Variants in SNX5 observed in about 807,000 individuals in gnomAD.
SNX5 encodes the protein sorting nexin-5.
A neutral mutation model predicts 53.9 loss-of-function variants in SNX5; 31 were observed. The observed-to-expected ratio is 0.58, with a 90% CI of 0.43 to 0.78. The LOEUF is 0.78. SNX5 is among the 30% of genes least tolerant of loss of function. SNX5 has a pLI of 0.00. For synonymous variants in SNX5, 168 were observed against 171.1 expected (o/e 0.98, Z 0.14); for missense variants, 471 against 478.8 (o/e 0.98, Z 0.15).
intron 10 of SNX5, among the ~76,000 whole-genome samples, chr20:17,948,649 C>T (rs1375235653): frequency 3.3e-5 from 5 of 152,180 alleles, no homozygotes; most frequent in East Asian, 3.8e-4. Flanking sequence ...AGAAACAGCC[C>T]TTTCTGCATG....
chr20:17,968,665 C>G lies in SNX5; in HGVS notation c.-240G>C. ...CCTCCCAGTCCCCGCTGCCGTCCATCTTGGAGCCGGGCAAAGACGCCACGT... is the reference window on the plus strand; with the variant it reads ...CCTCCCAGTCCCCGCTGCCGTCCATGTTGGAGCCGGGCAAAGACGCCACGT... On this transcript the variant is annotated 5_prime_UTR_variant, in exon 1 of 13. Coordinates refer to ENST00000377759, the MANE Select transcript of SNX5 (RefSeq NM_014426.4). 1.7e-6 allele frequency: 1 copy of G among 596,142 alleles called. No homozygotes were observed. Among genetic ancestry groups the G allele is most frequent in the South Asian group, 1.7e-5 (1 of 60,208 alleles). 36.9% of individuals were successfully genotyped at this position (596,142 alleles called of 1,614,324 possible).
chr20:17,957,182 T>C, intron 1 of SNX5, 145 bp from the exon 2 acceptor site: 1 of 634,392 alleles, frequency 1.6e-6, no homozygotes, highest in Non-Finnish European at 2.9e-6. Context: ...ACCCCTGTAA[T>C]CCCAGCACTT....
chr20:17,945,927 T>C (rs2039482597), intron 11 of SNX5, among the ~76,000 whole-genome samples: 1 of 152,158 alleles, frequency 6.6e-6, no homozygotes, highest in Non-Finnish European at 1.5e-5. Flanking sequence ...GATATGAATT[T>C]TTCATGGAAA....
intron 12 of SNX5, 191 bp downstream of exon 12, chr20:17,942,917 CTA>C: frequency 2.1e-6 from 1 of 471,334 alleles, no homozygotes; most frequent in South Asian, 3.3e-5. Context: ...AAAAAAGTTG[CTA>C]AAAATTAGTC....
intron 5 of SNX5, 36 bp downstream of exon 5, chr20:17,952,551 G>T (rs1325596091): frequency 1.3e-6 from 2 of 1,595,178 alleles, no homozygotes; most frequent in African/African-American, 1.4e-5. Context: ...ATAAACATTT[G>T]AAGTGGATTA....
rs111250034 is a variant in SNX5 at position 17,942,487 on chromosome 20, C to A, written c.1165-80G>T. On this transcript the variant is annotated intron_variant, in intron 12 of 12. Transcript: ENST00000377759. ...CTGGAATGACTCAAGTACACCAACA[C>A]GGCTTTTCACGGGAGGTTTAAAGTC... is the stretch of plus-strand genomic sequence containing the variant. 32 of 1,043,274 alleles carry A rather than the reference C, an allele frequency of 3.1e-5. No homozygotes were observed. In the South Asian group the frequency reaches 4.1e-4, roughly 13 times the overall value. The allele number at this position is 1,043,274 out of a possible 1,614,324, so 64.6% of individuals were successfully genotyped here.
At chr20:17,962,211 T>G (rs2035465147) in intron 1 of SNX5, 1 of 159,998 alleles carries the variant, frequency 6.3e-6, no homozygotes, top group South Asian at 2.0e-4. Context: ...TTTTTTTTTT[T>G]TTTTTGAGAC....
chr20:17,962,973 A>C (rs1334703618), intron 1 of SNX5: 1 of 491,088 alleles, frequency 2.0e-6, no homozygotes, highest in Non-Finnish European at 4.1e-6. Flanking sequence ...GTACTAATGG[A>C]ATCAACATGG....
chr20:17,961,486 A>G, intron 1 of SNX5: 2 of 985,442 alleles, frequency 2.0e-6, no homozygotes, highest in Non-Finnish European at 2.4e-6. Flanking sequence ...GATCTGTTAG[A>G]TTGGGGCTAG....
chr20:17,949,345 C>G (rs116352653), intron 8 of SNX5, among the ~76,000 whole-genome samples: 88 of 152,308 alleles, frequency 5.8e-4, no homozygotes, highest in African/African-American at 2.0e-3. Context: ...TCCTGCCATG[C>G]GCCCAAATAT....
rs1460427547 is a variant in SNX5 at position 17,942,132 on chromosome 20, C to T, written c.*225G>A. 2 of 509,316 alleles carry T rather than the reference C, an allele frequency of 3.9e-6. No homozygotes were observed. Among genetic ancestry groups the T allele is most frequent in the East Asian group, 3.5e-5 (1 of 28,232 alleles). The allele number at this position is 509,316 out of a possible 1,614,324, so 31.5% of individuals were successfully genotyped here. On this transcript the variant is annotated 3_prime_UTR_variant, in exon 13 of 13. Transcript: ENST00000377759. The stretch of plus-strand genomic sequence containing the variant: ...GAGAACCCAGTATTTGGATTCTGCC[C>T]AGAGGTATTAAATGCACAAGGAAAA...
rs137919802 is a variant in SNX5 at position 17,966,052 on chromosome 20, G to A, written c.51+2323C>T. ...CAGTACTTAGTCTACAAACACTCCT[G>A]AGTAGGTAAGAGGACAGATATCATT... On this transcript the variant is annotated intron_variant, in intron 1 of 12. Coordinates refer to ENST00000377759, the MANE Select transcript of SNX5 (RefSeq NM_014426.4). Among the ~76,000 whole-genome samples, 681 of 152,192 alleles carry A rather than the reference G, an allele frequency of 4.5e-3. 6 individuals carry two copies. Among genetic ancestry groups the A allele is most frequent in the African/African-American group, 0.016 (663 of 41,514 alleles).
chr20:17,968,601 G>T lies in SNX5; in HGVS notation c.-176C>A. 3.2e-6 allele frequency: 2 copies of T among 633,704 alleles called. No individual in the cohort carries two copies. Among genetic ancestry groups the T allele is most frequent in the Non-Finnish European group, 5.6e-6 (2 of 358,184 alleles). The allele number at this position is 633,704 out of a possible 1,614,324, so 39.3% of individuals were successfully genotyped here. ...TCCGCCACCATCCCAGCTGCCCCGG[G>T]AGCAGGCGAGCAGGGCGCCACGTGC... On this transcript the variant is annotated 5_prime_UTR_variant, in exon 1 of 13. Transcript: ENST00000377759.
intron 12 of SNX5, chr20:17,942,764 G>T (rs2039434484): frequency 5.6e-6 from 2 of 359,974 alleles, no homozygotes; most frequent in Non-Finnish European, 5.0e-6. Flanking sequence ...AATAAAAGTT[G>T]CTAGAAATTA....
chr20:17,955,700 T>C (rs1224018606), intron 2 of SNX5, among the ~76,000 whole-genome samples: 1 of 152,252 alleles, frequency 6.6e-6, no homozygotes, highest in Admixed American at 6.5e-5. Flanking sequence ...TTGTAATGAA[T>C]ATCCCATCAG....
intron 11 of SNX5, 179 bp downstream of exon 11, chr20:17,947,307 C>G: frequency 1.6e-6 from 1 of 606,278 alleles, no homozygotes. Flanking sequence ...AGGTGTGTAA[C>G]GTTTGTAAGC....
At chr20:17,943,050 T>C in intron 12 of SNX5, 60 bp downstream of exon 12, 1 of 1,226,784 alleles carries the variant, frequency 8.2e-7, no homozygotes, top group Non-Finnish European at 1.2e-6. Context: ...GTTAGTAAAC[T>C]GGGAAATAAC....
intron 10 of SNX5, 32 bp downstream of exon 10, chr20:17,948,858 T>G: frequency 6.4e-7 from 1 of 1,565,782 alleles, no homozygotes; most frequent in Non-Finnish European, 8.8e-7. Context: ...GGTCCTGCAC[T>G]GCTCTGAGAA....
intron 1 of SNX5, chr20:17,961,761 T>TAG (rs2035454544): frequency 1.0e-6 from 1 of 985,302 alleles, no homozygotes; most frequent in African/African-American, 1.7e-5. Context: ...TATGTTTCAT[T>TAG]CCACTGCCTA....
Sources: gnomAD v4.1 joint callset for allele counts (sites outside exome capture counted in the v4.1 genomes callset) on GRCh38, gnomAD v4.1.1 for gene constraint, MANE v1.5 for transcripts, NCBI Gene and HGNC (gene_info 2026-07-23, HGNC 2026-07-21) for gene names.